SLC35E3: variants seen among roughly 807,000 people sequenced by gnomAD.
SLC35E3 encodes the protein solute carrier family 35 member E3, also known as bladder cancer-overexpressed gene 1 protein.
Under a neutral mutation model 30.8 loss-of-function variants are expected in SLC35E3, and 28 were observed. The ratio of observed to expected loss-of-function variants is 0.91; its 90% confidence interval spans 0.67 to 1.25. The LOEUF (loss-of-function observed/expected upper bound fraction) is 1.25, where lower values mean the gene tolerates loss of function less well. SLC35E3 is among the 50% of genes most tolerant of loss of function. The pLI, the probability that SLC35E3 is intolerant of heterozygous loss-of-function variation, is 0.00. For missense variants in SLC35E3, 365 were observed against 375.4 expected (o/e 0.97, Z 0.23); for synonymous variants, 146 against 149.2 (o/e 0.98, Z 0.16).
chr12:68,750,882 A>G lies in SLC35E3; in HGVS notation c.514-1150A>G, dbSNP rs1222081642. ...TTTCTATAGACTTAGAGTTTATGTA[A>G]CAAGATACCCAGACCTACAGGAACA... On this transcript the variant is annotated intron_variant, in intron 2 of 4. Coordinates refer to ENST00000398004, the MANE Select transcript of SLC35E3 (RefSeq NM_018656.5). Among the ~76,000 whole-genome samples the G allele has an allele frequency of 8.5e-5, 13 of 152,180 alleles. No homozygotes were observed. The East Asian group carries it at 2.5e-3, about 29-fold the overall frequency.
chr12:68,756,786 A>G (rs567921286), intron 3 of SLC35E3, among the ~76,000 whole-genome samples: 26 of 152,270 alleles, frequency 1.7e-4, no homozygotes, highest in African/African-American at 5.8e-4. Context: ...CGGATCACGA[A>G]GTCAGGAGAT....
At position 68,746,740 on chromosome 12, in the gene SLC35E3, C is replaced by G. The variant is rs375297473; in HGVS notation, c.363C>G (p.Cys121Trp). The G allele has an allele frequency of 6.2e-6, 10 of 1,602,100 alleles. No individual in the cohort carries two copies. The highest frequency in any genetic ancestry group is 1.3e-5 in the African/African-American group (1 of 74,550). ...TGATCATAGCCATCCAGACCTTCTG[C>G]TACCAGAAAACCTTCTCCACCAGAA... ...TPVIIAIQTF[C>W]YQKTFSTRIQ... Residue 121 changes from cysteine (C) to tryptophan (W), a missense_variant, in exon 1 of 5, where the codon TGC becomes TGG. Cys to Trp is a radical substitution (Grantham distance 215). Transcript: ENST00000398004.
rs977716971 is a variant in SLC35E3, at chr12:68,768,749, G to A, written c.*3859G>A. ...GTAACATATGCATGGTAACGCTGAC[G>A]TGTTCAGCTGTTCATATTTGGCCTG... On this transcript the variant is annotated 3_prime_UTR_variant, in exon 5 of 5. Coordinates refer to ENST00000398004, the MANE Select transcript of SLC35E3 (RefSeq NM_018656.5). The A allele has an allele frequency of 1.3e-5, 2 of 152,330 alleles. No individual in the cohort carries two copies. Among genetic ancestry groups the A allele is most frequent in the East Asian group, 1.9e-4 (1 of 5,194 alleles). 9.4% of individuals were successfully genotyped at this position (152,330 alleles called of 1,614,324 possible).
Position 68,746,377 on chromosome 12 carries a change from C to T in SLC35E3, c.-1C>T. On this transcript the variant is annotated 5_prime_UTR_variant, in exon 1 of 5. Coordinates refer to ENST00000398004, the MANE Select transcript of SLC35E3 (RefSeq NM_018656.5). ...TAGACGGCCCCAGCTTCGCGGGGAT[C>T]ATGGCATTGCTGGTGGACCGAGTGC... 2.5e-6 allele frequency: 4 copies of T among 1,578,580 alleles called. No homozygotes were observed. Among genetic ancestry groups the T allele is most frequent in the Non-Finnish European group, 2.6e-6 (3 of 1,160,506 alleles).
chr12:68,757,980 T>A (rs578034824), intron 3 of SLC35E3, among the ~76,000 whole-genome samples: 3 of 151,186 alleles, frequency 2.0e-5, no homozygotes, highest in Non-Finnish European at 2.9e-5. Context: ...TAATCCCAGC[T>A]ACTGGGGAGG....
At position 68,747,932 on chromosome 12, in the gene SLC35E3, T is replaced by TCCTATAA; in HGVS notation, c.407_413dup (p.Leu139TyrfsTer16). 2 of 1,509,618 alleles carry TCCTATAA rather than the reference T, an allele frequency of 1.3e-6. No individual in the cohort carries two copies. Among genetic ancestry groups the TCCTATAA allele is most frequent in the Non-Finnish European group, 1.8e-6 (2 of 1,091,162 alleles). 93.5% of individuals were successfully genotyped at this position (1,509,618 alleles called of 1,614,324 possible). A position where few individuals can be genotyped will look rare whatever the true frequency, so the allele number is the denominator to read the frequency against. ...CATTTACCTCTTTTTCGTTACAGAT[T>TCCTATAA]CCTATAACTTTAGGTGTAATCCTAA... On this transcript the variant is annotated frameshift_variant, in exon 2 of 5. Coordinates refer to ENST00000398004, the MANE Select transcript of SLC35E3 (RefSeq NM_018656.5). LOFTEE classifies it high-confidence loss of function.
At position 68,777,747 on chromosome 12, in the gene SLC35E3, C is replaced by T. The variant is rs1879781887; in HGVS notation, c.*12857C>T. The T allele has an allele frequency of 1.3e-5, 2 of 152,124 alleles. No homozygotes were observed. Among genetic ancestry groups the T allele is most frequent in the African/African-American group, 4.8e-5 (2 of 41,430 alleles). The allele number at this position is 152,124 out of a possible 1,614,324, so 9.4% of individuals were successfully genotyped here. ...CCATCACAGAATTTATGAACTACTC[C>T]TAGATCATGCAATTAATAAGTCCTC... is the stretch of plus-strand genomic sequence containing the variant. On this transcript the variant is annotated 3_prime_UTR_variant, in exon 5 of 5. Transcript: ENST00000398004.
chr12:68,772,395 A>G lies in SLC35E3; in HGVS notation c.*7505A>G, dbSNP rs764309801. On this transcript the variant is annotated 3_prime_UTR_variant, in exon 5 of 5. Coordinates refer to ENST00000398004, the MANE Select transcript of SLC35E3 (RefSeq NM_018656.5). Reference sequence around the variant, plus strand: ...CACAAGCATTTCTTTACTCATAGATACCATTTTTATAACTTATATGAGACG... The same window carrying G: ...CACAAGCATTTCTTTACTCATAGATGCCATTTTTATAACTTATATGAGACG... 4 of 152,104 alleles carry G rather than the reference A, an allele frequency of 2.6e-5. No homozygotes were observed. Among genetic ancestry groups the G allele is most frequent in the Non-Finnish European group, 2.9e-5 (2 of 68,008 alleles). 9.4% of individuals were successfully genotyped at this position (152,104 alleles called of 1,614,324 possible).
rs899104419 is a variant in SLC35E3, at chr12:68,754,261, TTTG to T, written c.672+2086_672+2088del. ...CCAAAGCATTCTTTCCAGGGTCTAT[TTTG>T]TTGTTGTTGTTGTTTTTGTTTTGTT... On this transcript the variant is annotated intron_variant, in intron 3 of 4. Transcript: ENST00000398004. Among the ~76,000 whole-genome samples the T allele has an allele frequency of 5.3e-5, 8 of 151,820 alleles. No individual in the cohort carries two copies. In the South Asian group the frequency reaches 1.2e-3, roughly 24 times the overall value.
intron 2 of SLC35E3, among the ~76,000 whole-genome samples, chr12:68,751,688 C>T (rs762081647): frequency 6.6e-6 from 1 of 152,164 alleles, no homozygotes; most frequent in Non-Finnish European, 1.5e-5. Flanking sequence ...CTATTTCTCC[C>T]TTATTTTCCC....
intron 3 of SLC35E3, among the ~76,000 whole-genome samples, chr12:68,753,166 C>T (rs1194504890): frequency 1.3e-5 from 2 of 151,794 alleles, no homozygotes; most frequent in African/African-American, 4.8e-5. Context: ...CCTGTAATCC[C>T]AGCTACTCAG....
rs761148370 is a variant in SLC35E3 at position 68,748,048 on chromosome 12, A to T, written c.513+8A>T. 2 of 1,518,944 alleles carry T rather than the reference A, an allele frequency of 1.3e-6. No homozygotes were observed. The highest frequency in any genetic ancestry group is 1.4e-5 in the African/African-American group (1 of 71,882). The allele number at this position is 1,518,944 out of a possible 1,614,324, so 94.1% of individuals were successfully genotyped here. The stretch of plus-strand genomic sequence containing the variant: ...ACATCCCTTTATCAAGTGGTTGGTA[A>T]TTTTTTTTTCTTTATGTGCCTTTTT... On this transcript the variant is annotated splice_region_variant and intron_variant, in intron 2 of 4. Coordinates refer to ENST00000398004, the MANE Select transcript of SLC35E3 (RefSeq NM_018656.5).
At chr12:68,763,674 C>A (rs968949061) in intron 4 of SLC35E3, among the ~76,000 whole-genome samples, 1 of 151,820 alleles carries the variant, frequency 6.6e-6, no homozygotes, top group East Asian at 1.9e-4. Flanking sequence ...GGATTAGAGG[C>A]GTGAGCCACC....
intron 4 of SLC35E3, 107 bp downstream of exon 4, chr12:68,759,346 T>G: frequency 1.3e-6 from 1 of 782,416 alleles, no homozygotes; most frequent in South Asian, 1.6e-5. Context: ...TGGCCTAAAT[T>G]GAGTAGAGAG....
At chr12:68,748,926 A>G (rs1302886894) in intron 2 of SLC35E3, among the ~76,000 whole-genome samples, 2 of 152,244 alleles carry the variant, frequency 1.3e-5, no homozygotes, top group Non-Finnish European at 2.9e-5. Context: ...TCTAGTAGTG[A>G]TCATGTCAGA....
At chr12:68,759,013 G>A in intron 3 of SLC35E3, 144 bp from the exon 4 acceptor site, 2 of 631,092 alleles carry the variant, frequency 3.2e-6, no homozygotes, top group Non-Finnish European at 5.4e-6. Flanking sequence ...ACAGGCGTGA[G>A]CCACCGCGCC....
At chr12:68,761,355 CTG>C (rs1457364570) in intron 4 of SLC35E3, among the ~76,000 whole-genome samples, 1 of 152,164 alleles carries the variant, frequency 6.6e-6, no homozygotes, top group East Asian at 1.9e-4. Context: ...CGAGACCAGT[CTG>C]GGCAACATAG....
chr12:68,752,439 G>A (rs1045070342), intron 3 of SLC35E3, among the ~76,000 whole-genome samples: 6 of 152,300 alleles, frequency 3.9e-5, no homozygotes, highest in Admixed American at 6.5e-5. Flanking sequence ...AATGTCTTCC[G>A]ATGCCTGGTT....
intron 1 of SLC35E3, among the ~76,000 whole-genome samples, chr12:68,747,522 C>T (rs1878637238): frequency 6.6e-6 from 1 of 152,152 alleles, no homozygotes. Context: ...CCCGCCTTGG[C>T]CTCCGAAAGC....
Sources: allele counts gnomAD v4.1 joint callset (sites outside exome capture counted in the v4.1 genomes callset), GRCh38; gene constraint gnomAD v4.1.1; transcripts MANE v1.5; gene names NCBI Gene and HGNC (gene_info 2026-07-23, HGNC 2026-07-21).